EIF2B2: variants seen among roughly 807,000 people sequenced by gnomAD.
The protein encoded by EIF2B2 is eukaryotic translation initiation factor 2B subunit beta, also known as translation initiation factor eIF2B subunit beta.
In EIF2B2, 34 loss-of-function variants were observed where a neutral mutation model predicts 34.7. That is an observed-to-expected ratio of 0.98 (90% CI 0.75 to 1.31). The LOEUF (loss-of-function observed/expected upper bound fraction) is 1.31, where lower values mean the gene tolerates loss of function less well. Among genes scored for constraint, EIF2B2 ranks in the 50% most tolerant of loss-of-function variants. The pLI, the probability that EIF2B2 is intolerant of heterozygous loss-of-function variation, is 0.00. For synonymous variants in EIF2B2, 155 were observed against 171.6 expected, an observed-to-expected ratio of 0.90 and a Z score of 0.76; for missense variants, 361 against 447.7, an observed-to-expected ratio of 0.81 and a Z score of 1.75.
At chr14:75,005,166 C>G (rs1889609268) in intron 4 of EIF2B2, 1 of 389,802 alleles carries the variant, frequency 2.6e-6, no homozygotes, top group Non-Finnish European at 4.9e-6. Flanking sequence ...TACCTGAGGT[C>G]AGGAGTTCGA....
rs775427018 is a variant in EIF2B2, at chr14:75,007,755, G to T, written c.865G>T (p.Val289Leu). ...TGAAGAAGACTCATTTCATAAGTTT[G>T]TGGCTCCTGAAGAAGTCCTGCCATT... Reference protein sequence around the residue: ...PNEEDSFHKFVAPEEVLPFTE... With the variant: ...PNEEDSFHKFLAPEEVLPFTE... The change falls in exon 7 of 8, where the codon GTG becomes TTG. Residue 289 changes from valine to leucine, a missense_variant. Coordinates refer to ENST00000266126, the MANE Select transcript of EIF2B2 (RefSeq NM_014239.4). 4 of 1,613,798 alleles carry T rather than the reference G, an allele frequency of 2.5e-6. No individual in the cohort carries two copies. Among genetic ancestry groups the T allele is most frequent in the African/African-American group, 1.3e-5 (1 of 74,920 alleles).
chr14:75,008,867 G>A (rs1889664308), intron 7 of EIF2B2, among the ~76,000 whole-genome samples, 164 bp from the exon 8 acceptor site: 1 of 152,178 alleles, frequency 6.6e-6, no homozygotes, highest in Non-Finnish European at 1.5e-5. Flanking sequence ...TGTAAGCAGG[G>A]ATTGTCATGA....
intron 3 of EIF2B2, among the ~76,000 whole-genome samples, 174 bp downstream of exon 3, chr14:75,003,873 C>T (rs997505668): frequency 1.3e-5 from 2 of 152,188 alleles, no homozygotes; most frequent in African/African-American, 2.4e-5. Flanking sequence ...CCAAAGTAAT[C>T]CTCTCTACTT....
In EIF2B2 at chr14:75,005,799, C is replaced by G. The variant is rs3742781; in HGVS notation, c.598-67C>G. 9.3e-4 allele frequency: 1,112 copies of G among 1,200,428 alleles called. 9 individuals carry two copies. The East Asian group carries it at 0.023, about 25-fold the overall frequency. The allele number at this position is 1,200,428 out of a possible 1,614,324, so 74.4% of individuals were successfully genotyped here. A position where few individuals can be genotyped will look rare whatever the true frequency, so the allele number is the denominator to read the frequency against. On this transcript the variant is annotated intron_variant, in intron 4 of 7. Coordinates refer to ENST00000266126, the MANE Select transcript of EIF2B2 (RefSeq NM_014239.4). ...TCACACAATTCCCCAGATCCAGTTACATTTGAGAGCACTTTTCACTATTTC... is the reference window on the plus strand; with the variant it reads ...TCACACAATTCCCCAGATCCAGTTAGATTTGAGAGCACTTTTCACTATTTC...
At position 75,006,308 on chromosome 14, in the gene EIF2B2, C is replaced by T; in HGVS notation, c.694-269C>T. On this transcript the variant is annotated intron_variant, in intron 5 of 7. Transcript: ENST00000266126. This position sits in a 1 kb window ranked among gnomAD's most constrained non-coding sequence, Gnocchi z 4.1. ...AGTGAATGAAAAAGATTCCTGGCTT[C>T]TCAGAAGGTATGGCATCTCAATTTC... 1.8e-6 allele frequency: 1 copy of T among 568,680 alleles called. No homozygotes were observed. Among genetic ancestry groups the T allele is most frequent in the Non-Finnish European group, 3.1e-6 (1 of 321,526 alleles). 35.2% of individuals were successfully genotyped at this position (568,680 alleles called of 1,614,324 possible).
intron 2 of EIF2B2, 29 bp downstream of exon 2, chr14:75,003,424 G>A (rs750868104): frequency 3.1e-6 from 5 of 1,613,852 alleles, no homozygotes; most frequent in Non-Finnish European, 4.2e-6. Context: ...GCTCCTGGTT[G>A]GATCCAGTGA....
chr14:75,010,132 A>T lies in EIF2B2; in HGVS notation c.*944A>T, dbSNP rs914977795. ...TCGCTGATCATCAGAATCACCTGAG[A>T]GTGATTCCGATCACTCACTCACACA... On this transcript the variant is annotated 3_prime_UTR_variant, in exon 8 of 8. Coordinates refer to ENST00000266126, the MANE Select transcript of EIF2B2 (RefSeq NM_014239.4). The T allele has an allele frequency of 6.6e-6, 1 of 152,220 alleles. No individual in the cohort carries two copies. The highest frequency in any genetic ancestry group is 1.5e-5 in the Non-Finnish European group (1 of 68,046). 9.4% of individuals were successfully genotyped at this position (152,220 alleles called of 1,614,324 possible). A position where few individuals can be genotyped will look rare whatever the true frequency, so the allele number is the denominator to read the frequency against.
rs112768305 is a variant in EIF2B2 at position 75,003,236 on chromosome 14, C to T, written c.164-39C>T. On this transcript the variant is annotated intron_variant, in intron 1 of 7. Coordinates refer to ENST00000266126, the MANE Select transcript of EIF2B2 (RefSeq NM_014239.4). ...GCTGAAAATTTCCCAGGCCTCACTT[C>T]GCGTTGGCTCCTCTTATCCTCTCTC... 3.0e-4 allele frequency: 480 copies of T among 1,613,338 alleles called. 1 individual carries two copies. The African/African-American group carries it at 5.4e-3, about 18-fold the overall frequency.
chr14:75,005,848 C>T lies in EIF2B2; in HGVS notation c.598-18C>T, dbSNP rs183965607. On this transcript the variant is annotated intron_variant, in intron 4 of 7. Coordinates refer to ENST00000266126, the MANE Select transcript of EIF2B2 (RefSeq NM_014239.4). ...TCTCACTCTTTCTCTTAGAATCAGC[C>T]TTTCCCTCCCATTGCAGGGTCATGA... The T allele has an allele frequency of 8.1e-5, 129 of 1,595,800 alleles. No homozygotes were observed. In the African/African-American group the frequency reaches 1.5e-3, roughly 19 times the overall value.
chr14:75,005,170 A>T, intron 4 of EIF2B2: 1 of 385,952 alleles, frequency 2.6e-6, no homozygotes, highest in Non-Finnish European at 5.0e-6. Context: ...TGAGGTCAGG[A>T]GTTCGAGAGC....
At position 75,009,342 on chromosome 14, in the gene EIF2B2, AC is replaced by A. The variant is rs1443371703; in HGVS notation, c.*158del. 2.5e-5 allele frequency: 21 copies of A among 853,128 alleles called. No individual in the cohort carries two copies. Among genetic ancestry groups the A allele is most frequent in the Non-Finnish European group, 3.7e-5 (19 of 518,798 alleles). The allele number at this position is 853,128 out of a possible 1,614,324, so 52.8% of individuals were successfully genotyped here. A position where few individuals can be genotyped will look rare whatever the true frequency, so the allele number is the denominator to read the frequency against. On this transcript the variant is annotated 3_prime_UTR_variant, in exon 8 of 8. Coordinates refer to ENST00000266126, the MANE Select transcript of EIF2B2 (RefSeq NM_014239.4). ...GATACTGTTGCCTGCCTTTTTAGTCACCCCGTAACAAGGGCACACATCCAGG... is the reference window on the plus strand; with the variant it reads ...GATACTGTTGCCTGCCTTTTTAGTCACCCGTAACAAGGGCACACATCCAGG...
At position 75,009,259 on chromosome 14, in the gene EIF2B2, T is replaced by A; in HGVS notation, c.*71T>A. On this transcript the variant is annotated 3_prime_UTR_variant, in exon 8 of 8. Coordinates refer to ENST00000266126, the MANE Select transcript of EIF2B2 (RefSeq NM_014239.4). Reference sequence around the variant, plus strand: ...GAAGAGGAGACTTGAGTGTTGCTGCTGAAGCACATCCTTGCAATGTGGGAG... The same window carrying A: ...GAAGAGGAGACTTGAGTGTTGCTGCAGAAGCACATCCTTGCAATGTGGGAG... The A allele has an allele frequency of 1.3e-6, 2 of 1,580,534 alleles. No homozygotes were observed. The highest frequency in any genetic ancestry group is 2.2e-5 in the South Asian group (2 of 90,084).
rs1566874993 is a variant in EIF2B2 at position 75,011,265 on chromosome 14, A to G, written c.*2077A>G. The G allele has an allele frequency of 1.3e-5, 2 of 152,212 alleles. No individual in the cohort carries two copies. The highest frequency in any genetic ancestry group is 2.9e-5 in the Non-Finnish European group (2 of 68,050). The allele number at this position is 152,212 out of a possible 1,614,324, so 9.4% of individuals were successfully genotyped here. Reference sequence around the variant, plus strand: ...TAGAAGTATAATACCAAGCACAGCAAGCAGAGGGACATCCTCTAATTTTGT... The same window carrying G: ...TAGAAGTATAATACCAAGCACAGCAGGCAGAGGGACATCCTCTAATTTTGT... On this transcript the variant is annotated 3_prime_UTR_variant, in exon 8 of 8. Transcript: ENST00000266126.
rs143429486 is a variant in EIF2B2, at chr14:75,008,122, C to T, written c.898+334C>T. 61 of 311,590 alleles carry T rather than the reference C, an allele frequency of 2.0e-4. 2 individuals carry two copies. Among genetic ancestry groups the T allele is most frequent in the African/African-American group, 1.1e-3 (51 of 45,678 alleles). 19.3% of individuals were successfully genotyped at this position (311,590 alleles called of 1,614,324 possible). A position where few individuals can be genotyped will look rare whatever the true frequency, so the allele number is the denominator to read the frequency against. On this transcript the variant is annotated intron_variant, in intron 7 of 7. Coordinates refer to ENST00000266126, the MANE Select transcript of EIF2B2 (RefSeq NM_014239.4). ...TTGGGAAAATGTACCTGTTTTCCTG[C>T]TATAAGGAGTCATTTTGGTGAATTG...
In EIF2B2 at chr14:75,006,677, T is replaced by G; in HGVS notation, c.794T>G (p.Leu265Arg). 3.1e-6 allele frequency: 5 copies of G among 1,614,124 alleles called. No individual in the cohort carries two copies. The highest frequency in any genetic ancestry group is 4.2e-6 in the Non-Finnish European group (5 of 1,180,012). The stretch of plus-strand genomic sequence containing the variant: ...GCAGCAAAACACCATTCCACCCCAC[T>G]CATCGTCTGTGCACCTATGTTCAAA... ...ALAAKHHSTP[L>R]IVCAPMFKLS... The change falls in exon 6 of 8, where the codon CTC (leucine) becomes CGC (arginine). Residue 265 changes from leucine to arginine, a missense_variant. By Grantham distance (102) the Leu-to-Arg change is moderately radical. Transcript: ENST00000266126. This position sits in a 1 kb window ranked among gnomAD's most constrained non-coding sequence, Gnocchi z 4.1.
chr14:75,005,137 G>T, intron 4 of EIF2B2: 1 of 444,446 alleles, frequency 2.2e-6, no homozygotes. Flanking sequence ...CAGCACTTTG[G>T]GAGGCTGGGC....
In EIF2B2 at chr14:75,006,669, C is replaced by T. The variant is rs773215545; in HGVS notation, c.786C>T (p.Ser262=). 2.5e-6 allele frequency: 4 copies of T among 1,614,210 alleles called. No individual in the cohort carries two copies. The highest frequency in any genetic ancestry group is 8.5e-7 in the Non-Finnish European group (1 of 1,180,038). ...HTLALAAKHH[S]TPLIVCAPMF... is the part of the protein sequence containing the mutation. ...TGGCACTGGCAGCAAAACACCATTC[C>T]ACCCCACTCATCGTCTGTGCACCTA... is the stretch of plus-strand genomic sequence containing the variant. Residue 262 remains serine, a synonymous_variant, in exon 6 of 8, where the codon TCC becomes TCT. Transcript: ENST00000266126. This position sits in a 1 kb window ranked among gnomAD's most constrained non-coding sequence, Gnocchi z 4.1.
chr14:75,003,503 C>G, intron 2 of EIF2B2, 48 bp from the exon 3 acceptor site: 2 of 1,614,138 alleles, frequency 1.2e-6, no homozygotes, highest in Non-Finnish European at 1.7e-6. Context: ...TGTTACCTGC[C>G]TGACCACTCC....
intron 4 of EIF2B2, 112 bp from the exon 5 acceptor site, chr14:75,005,754 A>G: frequency 1.2e-6 from 1 of 824,236 alleles, no homozygotes; most frequent in South Asian, 1.3e-5. Flanking sequence ...ATTGGAAATT[A>G]TGTGCTGGAT....
Sources: allele counts gnomAD v4.1 joint callset (sites outside exome capture counted in the v4.1 genomes callset), GRCh38; gene constraint gnomAD v4.1.1; non-coding constraint Gnocchi (gnomAD v3.1); transcripts MANE v1.5; gene names NCBI Gene and HGNC (gene_info 2026-07-23, HGNC 2026-07-21).